ADAM23: variants seen among roughly 807,000 people sequenced by gnomAD.
The protein encoded by ADAM23 is disintegrin and metalloproteinase domain-containing protein 23.
ADAM23 carries 33 observed loss-of-function variants against 120.1 expected under a neutral mutation model. That is an observed-to-expected ratio of 0.27 (90% confidence interval 0.21 to 0.37). The LOEUF is 0.37. ADAM23 is among the 10% of genes least tolerant of loss of function. The pLI is 1.00. For synonymous variants in ADAM23, 367 were observed against 375.2 expected, an observed-to-expected ratio of 0.98 and a Z score of 0.25; for missense variants, 862 against 1,058.2, an observed-to-expected ratio of 0.81 and a Z score of 2.57.
At chr2:206,505,340 T>G (rs1696475488) in intron 3 of ADAM23, among the ~76,000 whole-genome samples, 1 of 152,208 alleles carries the variant, frequency 6.6e-6, no homozygotes, top group Non-Finnish European at 1.5e-5. Context: ...AGCTAACTCA[T>G]TTTGTTCTCA....
At chr2:206,530,736 C>A in intron 3 of ADAM23, 149 bp from the exon 4 acceptor site, 1 of 166,584 alleles carries the variant, frequency 6.0e-6, no homozygotes. Flanking sequence ...GTGTGAAACT[C>A]GATGATAACC....
intron 18 of ADAM23, among the ~76,000 whole-genome samples, chr2:206,584,476 G>T (rs1698282394): frequency 6.6e-6 from 1 of 152,098 alleles, no homozygotes; most frequent in African/African-American, 2.4e-5. Context: ...TTGTGTGGGA[G>T]CTGGGTGAGG....
At chr2:206,571,552 G>T (rs970108275) in intron 16 of ADAM23, among the ~76,000 whole-genome samples, 175 bp from the exon 17 acceptor site, 4 of 152,138 alleles carry the variant, frequency 2.6e-5, no homozygotes, top group Non-Finnish European at 4.4e-5. Flanking sequence ...TTACTTTGGT[G>T]ACAAGTATGG....
intron 11 of ADAM23, among the ~76,000 whole-genome samples, chr2:206,560,806 A>G (rs2105822064): frequency 6.6e-6 from 1 of 152,236 alleles, no homozygotes; most frequent in East Asian, 1.9e-4. Flanking sequence ...ATAATCAGCA[A>G]TATTAATTCT....
At chr2:206,543,884 A>G (rs956897285) in intron 6 of ADAM23, among the ~76,000 whole-genome samples, 3 of 152,212 alleles carry the variant, frequency 2.0e-5, no homozygotes, top group Admixed American at 2.0e-4. Context: ...TCAGGAGTGG[A>G]AAACCAAACA....
intron 18 of ADAM23, among the ~76,000 whole-genome samples, chr2:206,578,751 A>G (rs1029226569): frequency 6.6e-6 from 1 of 152,134 alleles, no homozygotes; most frequent in Non-Finnish European, 1.5e-5. Context: ...TCCTCGGGGT[A>G]GATACCCAGT....
At chr2:206,489,260 C>A (rs558194975) in intron 3 of ADAM23, among the ~76,000 whole-genome samples, 5 of 152,262 alleles carry the variant, frequency 3.3e-5, no homozygotes, top group Non-Finnish European at 5.9e-5. Flanking sequence ...GATTGGCAGG[C>A]CTTTTGTGTC....
At chr2:206,472,616 A>G (rs375028605) in intron 2 of ADAM23, among the ~76,000 whole-genome samples, 69 of 9,128 alleles carry the variant, frequency 7.6e-3, no homozygotes, top group Non-Finnish European at 4.0e-3. Context: ...ATCTCAGGGG[A>G]AAAAAAAAAA....
intron 2 of ADAM23, among the ~76,000 whole-genome samples, chr2:206,448,357 G>A (rs1695122747): frequency 6.6e-6 from 1 of 152,226 alleles, no homozygotes; most frequent in Non-Finnish European, 1.5e-5. Flanking sequence ...TAGCTAGGAA[G>A]TCAGATTCCT....
intron 4 of ADAM23, among the ~76,000 whole-genome samples, chr2:206,538,183 C>T (rs2105803885): frequency 6.6e-6 from 1 of 152,206 alleles, no homozygotes; most frequent in South Asian, 2.1e-4. Flanking sequence ...ACATTTTCCC[C>T]ATTAAATTTA....
At chr2:206,512,188 A>T (rs1212828125) in intron 3 of ADAM23, among the ~76,000 whole-genome samples, 2 of 152,222 alleles carry the variant, frequency 1.3e-5, no homozygotes, top group Non-Finnish European at 2.9e-5. Flanking sequence ...ATTTCATGAG[A>T]TTATGGGTTT....
chr2:206,445,287 C>T lies in ADAM23; in HGVS notation c.215-20C>T, dbSNP rs1193616577. On this transcript the variant is annotated intron_variant, in intron 1 of 25. Transcript: ENST00000264377. ...TGTATGTTTGTATTTTCTGCTCCCC[C>T]ACCCCCCTACCTCCACCAGCTCCGC... The T allele has an allele frequency of 1.9e-6, 3 of 1,598,088 alleles. No homozygotes were observed. Among genetic ancestry groups the T allele is most frequent in the Admixed American group, 1.7e-5 (1 of 59,734 alleles).
chr2:206,607,973 G>A (rs926599891), intron 24 of ADAM23: 10 of 451,970 alleles, frequency 2.2e-5, no homozygotes, highest in Admixed American at 1.7e-4. Context: ...TTTCTGAAGC[G>A]GACGAAGTGC....
At chr2:206,528,395 A>T (rs1696983696) in intron 3 of ADAM23, among the ~76,000 whole-genome samples, 1 of 152,260 alleles carries the variant, frequency 6.6e-6, no homozygotes, top group African/African-American at 2.4e-5. Flanking sequence ...ATGAGTAGAC[A>T]TACCACAATT....
chr2:206,514,541 G>T (rs775874789), intron 3 of ADAM23, among the ~76,000 whole-genome samples: 1 of 152,148 alleles, frequency 6.6e-6, no homozygotes, highest in Non-Finnish European at 1.5e-5. Context: ...ATCTACTGCT[G>T]GTGAAGTTGC....
At chr2:206,477,880 T>TAAAAAAAAAA (rs71034456) in intron 2 of ADAM23, among the ~76,000 whole-genome samples, 1 of 109,208 alleles carries the variant, frequency 9.2e-6, no homozygotes, top group African/African-American at 3.9e-5. Context: ...AATATTCTGT[T>TAAAAAAAAAA]AAAAAAAAAA....
intron 13 of ADAM23, among the ~76,000 whole-genome samples, chr2:206,562,783 A>G (rs1697793828): frequency 6.6e-6 from 1 of 152,254 alleles, no homozygotes; most frequent in Non-Finnish European, 1.5e-5. Flanking sequence ...ACCCTGCCCC[A>G]GGGCCTTTTA....
At chr2:206,500,703 A>G (rs926865640) in intron 3 of ADAM23, among the ~76,000 whole-genome samples, 4 of 152,090 alleles carry the variant, frequency 2.6e-5, no homozygotes, top group Non-Finnish European at 5.9e-5. Context: ...TTTGGGCTGT[A>G]TCTACTGTCA....
chr2:206,586,641 A>C (rs1388636215), intron 18 of ADAM23, among the ~76,000 whole-genome samples: 2 of 152,196 alleles, frequency 1.3e-5, no homozygotes, highest in Non-Finnish European at 2.9e-5. Flanking sequence ...ACTCTGTAGC[A>C]GGGCCTTTGA....
Sources: gnomAD v4.1 joint callset for allele counts (sites outside exome capture counted in the v4.1 genomes callset) on GRCh38, gnomAD v4.1.1 for gene constraint, MANE v1.5 for transcripts, NCBI Gene and HGNC (gene_info 2026-07-23, HGNC 2026-07-21) for gene names.